Variants in BICD2 observed in about 807,000 individuals in gnomAD.
BICD2 encodes the protein protein bicaudal D homolog 2.
BICD2 carries 25 observed loss-of-function variants against 72.9 expected under a neutral mutation model. That is an observed-to-expected ratio of 0.34 (90% CI 0.25 to 0.48). The LOEUF is 0.48. BICD2 is among the 20% of genes least tolerant of loss of function. The pLI is 0.99. For missense variants in BICD2, 894 were observed against 1,175.2 expected (o/e 0.76, Z 3.50); for synonymous variants, 501 against 516.1 (o/e 0.97, Z 0.40).
chr9:92,743,368 TTTTTTTTTTA>T lies in BICD2; in HGVS notation c.241-14142_241-14133del, dbSNP rs1238048182. On this transcript the variant is annotated intron_variant, in intron 1 of 6. Coordinates refer to ENST00000356884, the MANE Select transcript of BICD2 (RefSeq NM_001003800.2). The stretch of plus-strand genomic sequence containing the variant: ...CCACCATGCCAGCTTTTTTTTTTTT[TTTTTTTTTTA>T]AGAGATGGGGTCTCACTATGTTGCC... Among the ~76,000 whole-genome samples, 16 of 150,502 alleles carry T rather than the reference TTTTTTTTTTA, an allele frequency of 1.1e-4. No individual in the cohort carries two copies. In the East Asian group the frequency reaches 3.1e-3, roughly 29 times the overall value.
At chr9:92,742,474 T>G (rs553186723) in intron 1 of BICD2, among the ~76,000 whole-genome samples, 1 of 151,200 alleles carries the variant, frequency 6.6e-6, no homozygotes, top group African/African-American at 2.4e-5. Context: ...AAGCTCCACC[T>G]CCCAGGTTCA....
rs774220760 is a variant in BICD2, at chr9:92,718,705, C to T, written c.1940G>A (p.Arg647His). ...GCGCTGGCGTGACAGCTCCGTGGTG[C>T]GGTCCACGGCTGCCTGCAGGTGCTT... is the stretch of plus-strand genomic sequence containing the variant. ...QIKHLQAAVD[R>H]TTELSRQRIA... is the part of the protein sequence containing the mutation. Residue 647 changes from arginine to histidine, a missense_variant, in exon 5 of 7, where the codon CGC becomes CAC. Arg to His is a conservative substitution (Grantham distance 29). Transcript: ENST00000356884. The T allele has an allele frequency of 3.1e-6, 5 of 1,614,010 alleles. No individual in the cohort carries two copies. Among genetic ancestry groups the T allele is most frequent in the Admixed American group, 3.3e-5 (2 of 60,010 alleles).
In BICD2 at chr9:92,720,890, A is replaced by ACCCT; in HGVS notation, c.607-136_607-135insAGGG. On this transcript the variant is annotated intron_variant, in intron 3 of 6. Coordinates refer to ENST00000356884, the MANE Select transcript of BICD2 (RefSeq NM_001003800.2). This position sits in a 1 kb window ranked among gnomAD's most constrained non-coding sequence, Gnocchi z 5.4. ...AAGATGAAGCGCCAGGTGAGGTGCC[A>ACCCT]TCCTGGGAAGGGTGGCAGCCCGTCC... 6 of 944,454 alleles carry ACCCT rather than the reference A, an allele frequency of 6.4e-6. No individual in the cohort carries two copies. The highest frequency in any genetic ancestry group is 9.3e-6 in the Non-Finnish European group (6 of 647,336). The allele number at this position is 944,454 out of a possible 1,614,324, so 58.5% of individuals were successfully genotyped here. A position where few individuals can be genotyped will look rare whatever the true frequency, so the allele number is the denominator to read the frequency against.
chr9:92,718,448 G>C, intron 5 of BICD2, 91 bp downstream of exon 5: 2 of 1,469,120 alleles, frequency 1.4e-6, no homozygotes, highest in South Asian at 2.6e-5. Flanking sequence ...GGCCTGGGGG[G>C]GCCCCGTGGC....
intron 1 of BICD2, among the ~76,000 whole-genome samples, chr9:92,746,913 A>G (rs1854025400): frequency 6.6e-6 from 1 of 152,232 alleles, no homozygotes; most frequent in Non-Finnish European, 1.5e-5. Context: ...ACCTCAATTT[A>G]AAAATGAGAG....
At chr9:92,736,939 G>C (rs917726228) in intron 1 of BICD2, among the ~76,000 whole-genome samples, 1 of 152,144 alleles carries the variant, frequency 6.6e-6, no homozygotes, top group Non-Finnish European at 1.5e-5. Flanking sequence ...TAGGCCTCAG[G>C]ATGGAAAACA....
chr9:92,757,726 T>C (rs900427092), intron 1 of BICD2, among the ~76,000 whole-genome samples: 2 of 151,766 alleles, frequency 1.3e-5, no homozygotes, highest in Non-Finnish European at 2.9e-5. Context: ...AAGAAAAGAT[T>C]CTATTTTCTT....
At chr9:92,751,135 TTG>T (rs753207028) in intron 1 of BICD2, among the ~76,000 whole-genome samples, 1 of 107,024 alleles carries the variant, frequency 9.3e-6, no homozygotes, top group African/African-American at 2.9e-5. Context: ...GGTTGGTTTT[TTG>T]TTGTTGTTGT....
At chr9:92,722,972 T>C (rs1853495224) in intron 2 of BICD2, among the ~76,000 whole-genome samples, 164 bp from the exon 3 acceptor site, 1 of 152,212 alleles carries the variant, frequency 6.6e-6, no homozygotes, top group African/African-American at 2.4e-5. Context: ...CCCAGAGCAG[T>C]ATGCCAGAGT....
At chr9:92,718,443 G>T (rs925374551) in intron 5 of BICD2, 96 bp downstream of exon 5, 9 of 1,421,554 alleles carry the variant, frequency 6.3e-6, no homozygotes, top group Non-Finnish European at 7.6e-6. Flanking sequence ...ACGCAGGCCT[G>T]GGGGGGCCCC....
intron 1 of BICD2, among the ~76,000 whole-genome samples, chr9:92,761,097 G>A (rs1854361864): frequency 3.3e-5 from 5 of 152,138 alleles, no homozygotes; most frequent in Admixed American, 3.3e-4. Flanking sequence ...GAATTTTAGA[G>A]ACACCCAAGC....
chr9:92,745,987 C>G (rs186361181), intron 1 of BICD2, among the ~76,000 whole-genome samples: 397 of 152,302 alleles, frequency 2.6e-3, no homozygotes, highest in South Asian at 5.6e-3. Flanking sequence ...TGGCCTGGAA[C>G]CTAGAAAGCT....
chr9:92,752,493 C>G (rs916829190), intron 1 of BICD2, among the ~76,000 whole-genome samples: 2 of 152,148 alleles, frequency 1.3e-5, no homozygotes, highest in Non-Finnish European at 2.9e-5. Flanking sequence ...ATGGGCTGGG[C>G]ACAGTGGCTC....
At chr9:92,733,811 C>G (rs1853722741) in intron 1 of BICD2, among the ~76,000 whole-genome samples, 1 of 150,756 alleles carries the variant, frequency 6.6e-6, no homozygotes, top group African/African-American at 2.4e-5. Context: ...ACTAAAAATA[C>G]AAAAAATTAG....
At chr9:92,727,226 G>C (rs1371646919) in intron 2 of BICD2, among the ~76,000 whole-genome samples, 5 of 152,180 alleles carry the variant, frequency 3.3e-5, no homozygotes, top group African/African-American at 1.2e-4. Context: ...GCATCCTTCA[G>C]TACTGGAATG....
intron 1 of BICD2, among the ~76,000 whole-genome samples, chr9:92,733,536 A>C (rs1158092605): frequency 6.6e-6 from 1 of 152,028 alleles, no homozygotes; most frequent in Non-Finnish European, 1.5e-5. Context: ...AAAAAAAAAA[A>C]GTTTTTCAAC....
chr9:92,736,179 T>C lies in BICD2; in HGVS notation c.241-6943A>G, dbSNP rs541807987. Among the ~76,000 whole-genome samples, 5 of 152,278 alleles carry C rather than the reference T, an allele frequency of 3.3e-5. No homozygotes were observed. The East Asian group carries it at 7.7e-4, about 23-fold the overall frequency. On this transcript the variant is annotated intron_variant, in intron 1 of 6. Transcript: ENST00000356884. Reference sequence around the variant, plus strand: ...ACATAAAACAGGCTGCAGTAATTACTGATAAAACACTAACTGCTGATAAAA... The same window carrying C: ...ACATAAAACAGGCTGCAGTAATTACCGATAAAACACTAACTGCTGATAAAA...
chr9:92,729,282 G>A (rs1224607448), intron 1 of BICD2, 46 bp from the exon 2 acceptor site: 8 of 1,598,070 alleles, frequency 5.0e-6, no homozygotes, highest in South Asian at 3.3e-5. Context: ...TCCCAGGGGC[G>A]CCGAAGGATA....
chr9:92,745,966 C>G (rs1027339715), intron 1 of BICD2, among the ~76,000 whole-genome samples: 3 of 152,198 alleles, frequency 2.0e-5, no homozygotes, highest in Admixed American at 2.0e-4. Context: ...GGACTCGGCC[C>G]TTCCTGGTCT....
Sources: allele counts gnomAD v4.1 joint callset (sites outside exome capture counted in the v4.1 genomes callset), GRCh38; gene constraint gnomAD v4.1.1; non-coding constraint Gnocchi (gnomAD v3.1); transcripts MANE v1.5; gene names NCBI Gene and HGNC (gene_info 2026-07-23, HGNC 2026-07-21).